Variants in SEC62 observed in about 807,000 individuals in gnomAD.
SEC62 encodes the protein translocation protein SEC62.
In SEC62, 10 loss-of-function variants were observed where a neutral mutation model predicts 47.5. That is an observed-to-expected ratio of 0.21 (90% CI 0.13 to 0.36). The LOEUF (loss-of-function observed/expected upper bound fraction) is 0.36, where lower values mean the gene tolerates loss of function less well. Among genes scored for constraint, SEC62 ranks in the 10% least tolerant of loss-of-function variants. The pLI is 1.00. For synonymous variants in SEC62, 136 were observed against 150.5 expected, an observed-to-expected ratio of 0.90 and a Z score of 0.71; for missense variants, 327 against 464.1, an observed-to-expected ratio of 0.70 and a Z score of 2.71.
chr3:169,974,095 A>G lies in SEC62; in HGVS notation c.37-1513A>G, dbSNP rs77730328. ...AAAACCCAACATAGATAAGTTGGAT[A>G]GATTCTTTTTTCTATTTTGCATCAT... On this transcript the variant is annotated intron_variant, in intron 1 of 7. Coordinates refer to ENST00000337002, the MANE Select transcript of SEC62 (RefSeq NM_003262.4). Among the ~76,000 whole-genome samples the G allele has an allele frequency of 6.2e-3, 952 of 152,348 alleles. 44 individuals carry two copies. In the East Asian group the frequency reaches 0.13, roughly 21 times the overall value.
chr3:169,972,379 A>G (rs1387144689), intron 1 of SEC62, among the ~76,000 whole-genome samples: 1 of 151,928 alleles, frequency 6.6e-6, no homozygotes, highest in African/African-American at 2.4e-5. Flanking sequence ...TCATCTTTCA[A>G]ACTTTATCTT....
Position 169,993,360 on chromosome 3 carries a change from C to A in SEC62, c.*297C>A. ...TCCACAGTTAAATTTACATTAATGG[C>A]AATTTTTGATAGTTTTATGGCTTTT... is the stretch of plus-strand genomic sequence containing the variant. On this transcript the variant is annotated 3_prime_UTR_variant, in exon 8 of 8. Transcript: ENST00000337002. The A allele has an allele frequency of 3.9e-6, 1 of 254,458 alleles. No homozygotes were observed. Among genetic ancestry groups the A allele is most frequent in the East Asian group, 8.0e-5 (1 of 12,496 alleles). 15.8% of individuals were successfully genotyped at this position (254,458 alleles called of 1,614,324 possible). A position where few individuals can be genotyped will look rare whatever the true frequency, so the allele number is the denominator to read the frequency against.
At chr3:169,970,585 T>G (rs1450116000) in intron 1 of SEC62, among the ~76,000 whole-genome samples, 2 of 152,194 alleles carry the variant, frequency 1.3e-5, no homozygotes, top group Non-Finnish European at 2.9e-5. Context: ...AAAACAGTAT[T>G]TATTAAAGAA....
intron 1 of SEC62, among the ~76,000 whole-genome samples, chr3:169,974,245 A>G (rs1363493638): frequency 6.6e-6 from 1 of 152,186 alleles, no homozygotes; most frequent in African/African-American, 2.4e-5. Flanking sequence ...TCCTGAAATC[A>G]TTCACATTTA....
Position 169,993,240 on chromosome 3 carries a change from T to C in SEC62, c.*177T>C, listed in dbSNP as rs1715289982. 1.7e-6 allele frequency: 1 copy of C among 580,626 alleles called. No homozygotes were observed. The highest frequency in any genetic ancestry group is 3.4e-5 in the Admixed American group (1 of 29,102). The allele number at this position is 580,626 out of a possible 1,614,324, so 36.0% of individuals were successfully genotyped here. A position where few individuals can be genotyped will look rare whatever the true frequency, so the allele number is the denominator to read the frequency against. ...ATTTTATAGAATATTGGCACTATTA[T>C]TGGTACAGTTTAAAGCCATTAATAT... is the stretch of plus-strand genomic sequence containing the variant. On this transcript the variant is annotated 3_prime_UTR_variant, in exon 8 of 8. Coordinates refer to ENST00000337002, the MANE Select transcript of SEC62 (RefSeq NM_003262.4).
rs916761822 is a variant in SEC62 at position 169,992,297 on chromosome 3, G to C, written c.731-297G>C. Reference sequence around the variant, plus strand: ...CCTCAAGTTCAGAGCAACATTCTGTGCCCCTAGAATACCGTGATAGCTGCT... The same window carrying C: ...CCTCAAGTTCAGAGCAACATTCTGTCCCCCTAGAATACCGTGATAGCTGCT... On this transcript the variant is annotated intron_variant, in intron 7 of 7. Transcript: ENST00000337002. The surrounding 1 kb of genome is among the most constrained non-coding windows in gnomAD (Gnocchi z 4.0). Among the ~76,000 whole-genome samples, 1 of 152,072 alleles carries C rather than the reference G, an allele frequency of 6.6e-6. No individual in the cohort carries two copies. Among genetic ancestry groups the C allele is most frequent in the South Asian group, 2.1e-4 (1 of 4,826 alleles).
In SEC62 at chr3:169,995,742, A is replaced by AG. The variant is rs1359839795; in HGVS notation, c.*2683dup. 6.6e-6 allele frequency: 1 copy of AG among 152,204 alleles called. No homozygotes were observed. The highest frequency in any genetic ancestry group is 1.5e-5 in the Non-Finnish European group (1 of 68,032). 9.4% of individuals were successfully genotyped at this position (152,204 alleles called of 1,614,324 possible). A position where few individuals can be genotyped will look rare whatever the true frequency, so the allele number is the denominator to read the frequency against. On this transcript the variant is annotated 3_prime_UTR_variant, in exon 8 of 8. Coordinates refer to ENST00000337002, the MANE Select transcript of SEC62 (RefSeq NM_003262.4). ...CACTGAATTAGCAAATATAGAACCTAGGGGAAATACAAGGCTAGATTTCTG... is the reference window on the plus strand; with the variant it reads ...CACTGAATTAGCAAATATAGAACCTAGGGGGAAATACAAGGCTAGATTTCTG...
chr3:169,987,462 GT>G (rs1222906720), intron 6 of SEC62, among the ~76,000 whole-genome samples: 1 of 152,116 alleles, frequency 6.6e-6, no homozygotes, highest in Non-Finnish European at 1.5e-5. Context: ...AAGAGTACTA[GT>G]CACTTTGCTA....
rs1407528024 is a variant in SEC62 at position 169,998,137 on chromosome 3, A to T, written c.*5074A>T. 6.6e-6 allele frequency: 1 copy of T among 152,208 alleles called. No homozygotes were observed. The highest frequency in any genetic ancestry group is 1.5e-5 in the Non-Finnish European group (1 of 68,036). The allele number at this position is 152,208 out of a possible 1,614,324, so 9.4% of individuals were successfully genotyped here. The stretch of plus-strand genomic sequence containing the variant: ...ATGTATCTTCTGAATTCTATCCGTG[A>T]ATCCCTTAGAGGTCTGTGAATTGTA... On this transcript the variant is annotated 3_prime_UTR_variant, in exon 8 of 8. Coordinates refer to ENST00000337002, the MANE Select transcript of SEC62 (RefSeq NM_003262.4).
intron 5 of SEC62, chr3:169,983,471 C>A (rs1360915981): frequency 5.7e-6 from 2 of 350,062 alleles, no homozygotes; most frequent in African/African-American, 4.3e-5. Context: ...ATAAAAGCAT[C>A]TTAATACAAA....
intron 1 of SEC62, among the ~76,000 whole-genome samples, chr3:169,973,662 C>CAAAA (rs757037480): frequency 4.6e-5 from 5 of 108,712 alleles, no homozygotes; most frequent in African/African-American, 1.5e-4. Context: ...GACTGCGTCT[C>CAAAA]AAAAAAAAAA....
At chr3:169,991,605 A>G (rs924848012) in intron 7 of SEC62, among the ~76,000 whole-genome samples, 8 of 152,116 alleles carry the variant, frequency 5.3e-5, no homozygotes, top group African/African-American at 1.9e-4. Flanking sequence ...TTGGAGGCTG[A>G]GGTGGGAGGA....
At chr3:169,967,496 G>A (rs1714564407) in intron 1 of SEC62, among the ~76,000 whole-genome samples, 1 of 152,084 alleles carries the variant, frequency 6.6e-6, no homozygotes, top group African/African-American at 2.4e-5. Flanking sequence ...CGGGCGACGT[G>A]GTGTAAACAA....
intron 7 of SEC62, among the ~76,000 whole-genome samples, chr3:169,990,755 G>A (rs563501060): frequency 7.4e-4 from 112 of 152,134 alleles, no homozygotes; most frequent in African/African-American, 2.6e-3. Context: ...TTTATACCAC[G>A]AAAGATTCTA....
chr3:169,983,104 A>G, intron 4 of SEC62, 57 bp from the exon 5 acceptor site: 1 of 1,491,740 alleles, frequency 6.7e-7, no homozygotes, highest in Non-Finnish European at 9.2e-7. Context: ...GACTGTATGA[A>G]CATCATATTT....
rs114649840 is a variant in SEC62, at chr3:169,972,301, G to A, written c.37-3307G>A. 5.7e-3 allele frequency among the ~76,000 whole-genome samples: 866 copies of A among 152,196 alleles called. 8 individuals carry two copies. Among genetic ancestry groups the A allele is most frequent in the African/African-American group, 0.02 (829 of 41,492 alleles). ...AGTACTTCCTAGCTTGTCTCTACTA[G>A]AGCCAAATTTTGTGTCATTCTCAGC... On this transcript the variant is annotated intron_variant, in intron 1 of 7. Coordinates refer to ENST00000337002, the MANE Select transcript of SEC62 (RefSeq NM_003262.4).
chr3:169,969,308 C>G (rs913404145), intron 1 of SEC62: 1 of 456,372 alleles, frequency 2.2e-6, no homozygotes, highest in African/African-American at 2.0e-5. Context: ...ATTCTCGTGT[C>G]CCATCGAAGT....
chr3:169,969,844 A>T (rs1315900778), intron 1 of SEC62, among the ~76,000 whole-genome samples: 1 of 152,238 alleles, frequency 6.6e-6, no homozygotes, highest in African/African-American at 2.4e-5. Flanking sequence ...ATTCTGCTTA[A>T]TGTCCAGTTG....
intron 1 of SEC62, among the ~76,000 whole-genome samples, chr3:169,967,875 TC>T (rs1158657228): frequency 2.1e-5 from 3 of 144,796 alleles, no homozygotes; most frequent in Non-Finnish European, 3.0e-5. Flanking sequence ...TTCCATTTTA[TC>T]CCTTCTTTTT....
Sources: gnomAD v4.1 joint callset for allele counts (sites outside exome capture counted in the v4.1 genomes callset) on GRCh38, gnomAD v4.1.1 for gene constraint, Gnocchi (gnomAD v3.1) non-coding constraint, MANE v1.5 for transcripts, NCBI Gene and HGNC (gene_info 2026-07-23, HGNC 2026-07-21) for gene names.